The following FBN2 variants were observed in gnomAD, a reference collection of about 807,000 sequenced individuals.
The protein encoded by FBN2 is fibrillin-2.
A neutral mutation model predicts 355.6 loss-of-function variants in FBN2; 105 were observed. The observed-to-expected ratio is 0.30, with a 90% confidence interval of 0.25 to 0.35. The LOEUF (loss-of-function observed/expected upper bound fraction) is 0.35. Ranked by LOEUF, FBN2 falls within the 10% of genes least tolerant of loss-of-function variation. The pLI, the probability that FBN2 is intolerant of heterozygous loss-of-function variation, is 1.00. For synonymous variants in FBN2, 1,350 were observed against 1,301.2 expected (o/e 1.04, Z -0.81); for missense variants, 3,280 against 3,758.7 (o/e 0.87, Z 3.33).
intron 22 of FBN2, 67 bp downstream of exon 22, chr5:128,349,888 G>C (rs190957873): frequency 3.4e-6 from 4 of 1,193,030 alleles, no homozygotes; most frequent in Non-Finnish European, 5.0e-6. Context: ...CAAAGTTTGA[G>C]AGTGAATGTT....
At chr5:128,358,061 A>G (rs1409766406) in intron 19 of FBN2, among the ~76,000 whole-genome samples, 2 of 152,190 alleles carry the variant, frequency 1.3e-5, no homozygotes, top group Non-Finnish European at 2.9e-5. Context: ...TGAGTCCTAA[A>G]TGAAATCATA....
At chr5:128,446,696 C>G in intron 6 of FBN2, 90 bp from the exon 7 acceptor site, 1 of 1,402,550 alleles carries the variant, frequency 7.1e-7, no homozygotes, top group Non-Finnish European at 9.9e-7. Context: ...TATAAACATT[C>G]TTCTAAGAAA....
intron 17 of FBN2, 124 bp from the exon 18 acceptor site, chr5:128,364,849 G>C (rs1751726349): frequency 7.4e-6 from 6 of 809,528 alleles, no homozygotes; most frequent in Non-Finnish European, 1.0e-5. Flanking sequence ...CAATTTGCCT[G>C]CCTTTCAGAA....
intron 5 of FBN2, among the ~76,000 whole-genome samples, chr5:128,492,614 C>T (rs963889389): frequency 6.6e-6 from 1 of 151,918 alleles, no homozygotes; most frequent in East Asian, 1.9e-4. Flanking sequence ...ACCAGCCTTG[C>T]CAACATGGCT....
At chr5:128,378,322 T>G (rs114972263) in intron 12 of FBN2, among the ~76,000 whole-genome samples, 176 of 152,262 alleles carry the variant, frequency 1.2e-3, no homozygotes, top group Non-Finnish European at 2.1e-3. Context: ...CAGGCAGTCA[T>G]CTGCTAAAAG....
chr5:128,388,593 G>A (rs1221109155), intron 11 of FBN2, among the ~76,000 whole-genome samples: 1 of 152,132 alleles, frequency 6.6e-6, no homozygotes, highest in African/African-American at 2.4e-5. Context: ...CTTCACGTAT[G>A]AAGCTTGTTT....
chr5:128,297,213 T>C (rs1358163472), intron 48 of FBN2, among the ~76,000 whole-genome samples: 4 of 152,250 alleles, frequency 2.6e-5, no homozygotes, highest in African/African-American at 7.2e-5. Context: ...TAGTTTGTTA[T>C]AATTTCTGTT....
chr5:128,306,915 A>G (rs1041056947), intron 42 of FBN2, among the ~76,000 whole-genome samples: 4 of 152,346 alleles, frequency 2.6e-5, no homozygotes, highest in Middle Eastern at 3.4e-3. Context: ...AGAGAGTCAC[A>G]TAACTACCAT....
At chr5:128,450,448 GA>G (rs572024451) in intron 6 of FBN2, among the ~76,000 whole-genome samples, 8 of 151,600 alleles carry the variant, frequency 5.3e-5, no homozygotes, top group African/African-American at 1.9e-4. Context: ...ACAGGTCAAA[GA>G]AAAAAAATCA....
intron 2 of FBN2, among the ~76,000 whole-genome samples, chr5:128,532,118 G>A (rs970154526): frequency 2.0e-5 from 3 of 152,130 alleles, no homozygotes; most frequent in Admixed American, 6.5e-5. Context: ...CAAGCCTCAA[G>A]GGTTCCACAC....
At chr5:128,496,609 T>C (rs1755661140) in intron 5 of FBN2, among the ~76,000 whole-genome samples, 1 of 152,134 alleles carries the variant, frequency 6.6e-6, no homozygotes. Context: ...CAAGGAAATC[T>C]GATCTTGCCA....
At chr5:128,322,461 A>G (rs539710114) in intron 34 of FBN2, among the ~76,000 whole-genome samples, 15 of 152,318 alleles carry the variant, frequency 9.8e-5, no homozygotes, top group African/African-American at 1.7e-4. Flanking sequence ...TAACTTTCGT[A>G]TAAGGGGAAA....
chr5:128,467,743 G>A (rs900193635), intron 5 of FBN2, among the ~76,000 whole-genome samples: 17 of 152,102 alleles, frequency 1.1e-4, no homozygotes, highest in African/African-American at 4.1e-4. Context: ...CCTATAAACA[G>A]TTATGTTACA....
intron 19 of FBN2, among the ~76,000 whole-genome samples, chr5:128,358,306 C>G (rs1167681748): frequency 6.6e-6 from 1 of 152,096 alleles, no homozygotes; most frequent in Non-Finnish European, 1.5e-5. Flanking sequence ...AAGTGGCACA[C>G]AGTTTTCCTT....
chr5:128,299,057 G>C (rs1200227117), intron 48 of FBN2, among the ~76,000 whole-genome samples: 2 of 152,128 alleles, frequency 1.3e-5, no homozygotes, highest in African/African-American at 4.8e-5. Context: ...TAACAGACAG[G>C]ACCCTCAGCT....
In FBN2 at chr5:128,365,263, A is replaced by ATAACGAGCCGTGAACATGACTAC. The variant is rs1751736750; in HGVS notation, c.2303-561_2303-539dup. ...TGGATGCTTCAGAACATGACGTTTTATAACGAGCCGTGAACATGACTACTA... is the reference window on the plus strand; with the variant it reads ...TGGATGCTTCAGAACATGACGTTTTATAACGAGCCGTGAACATGACTACTAACGAGCCGTGAACATGACTACTA... On this transcript the variant is annotated intron_variant, in intron 17 of 64. Coordinates refer to ENST00000262464, the MANE Select transcript of FBN2 (RefSeq NM_001999.4). 3 of 156,400 alleles carry ATAACGAGCCGTGAACATGACTAC rather than the reference A, an allele frequency of 1.9e-5. No individual in the cohort carries two copies. The South Asian group carries it at 5.9e-4, about 31-fold the overall frequency. 9.7% of individuals were successfully genotyped at this position (156,400 alleles called of 1,614,324 possible).
chr5:128,287,535 ATAG>A (rs1475513173), intron 53 of FBN2, 105 bp from the exon 54 acceptor site: 23 of 1,263,792 alleles, frequency 1.8e-5, no homozygotes, highest in Non-Finnish European at 2.6e-5. Context: ...AAGCAATAGA[ATAG>A]TAGAACTTAC....
At chr5:128,327,514 G>T (rs569311391) in intron 34 of FBN2, among the ~76,000 whole-genome samples, 2 of 151,652 alleles carry the variant, frequency 1.3e-5, no homozygotes, top group Non-Finnish European at 1.5e-5. Context: ...GTTAGATACT[G>T]ATGTAGGGGG....
intron 7 of FBN2, among the ~76,000 whole-genome samples, chr5:128,443,860 T>C (rs1185157065): frequency 6.6e-6 from 1 of 152,134 alleles, no homozygotes; most frequent in Non-Finnish European, 1.5e-5. Flanking sequence ...TGATCAAAAG[T>C]AATTGCTATA....
Sources: allele counts gnomAD v4.1 joint callset (sites outside exome capture counted in the v4.1 genomes callset), GRCh38; gene constraint gnomAD v4.1.1; transcripts MANE v1.5; gene names NCBI Gene and HGNC (gene_info 2026-07-23, HGNC 2026-07-21).